Variants in MYO5B observed in about 807,000 individuals in gnomAD.
The protein encoded by MYO5B is myosin VB.
A neutral mutation model predicts 229.3 loss-of-function variants in MYO5B; 143 were observed. The observed-to-expected ratio is 0.62, with a 90% CI of 0.54 to 0.72. The LOEUF (loss-of-function observed/expected upper bound fraction) is 0.72. Among genes scored for constraint, MYO5B ranks in the 30% least tolerant of loss-of-function variants. MYO5B has a pLI of 0.00. For missense variants in MYO5B, 2,321 were observed against 2,331.0 expected (o/e 1.00, Z 0.09); for synonymous variants, 918 against 885.2 (o/e 1.04, Z -0.66).
intron 24 of MYO5B, among the ~76,000 whole-genome samples, 154 bp from the exon 25 acceptor site, chr18:49,878,036 C>T (rs530014886): frequency 1.3e-5 from 2 of 152,284 alleles, no homozygotes; most frequent in Admixed American, 1.3e-4. Context: ...ATAAAGCTAG[C>T]CCTATGAAAC....
At chr18:49,933,268 C>T (rs759972458) in intron 16 of MYO5B, among the ~76,000 whole-genome samples, 6 of 152,282 alleles carry the variant, frequency 3.9e-5, no homozygotes, top group South Asian at 4.2e-4. Flanking sequence ...TTATGACAAC[C>T]GCCCCAGGCC....
intron 17 of MYO5B, among the ~76,000 whole-genome samples, chr18:49,920,141 T>C (rs1286062292): frequency 6.6e-6 from 1 of 152,204 alleles, no homozygotes; most frequent in African/African-American, 2.4e-5. Context: ...AGGTTAGCGC[T>C]TGCCAGGGGC....
chr18:50,058,033 CAGA>C (rs1232129458), intron 1 of MYO5B, among the ~76,000 whole-genome samples: 2 of 152,218 alleles, frequency 1.3e-5, no homozygotes, highest in Non-Finnish European at 1.5e-5. Flanking sequence ...GAAAAAAGCT[CAGA>C]AGAAGGATAT....
chr18:50,101,545 C>T (rs1259756080), intron 1 of MYO5B, among the ~76,000 whole-genome samples: 1 of 151,246 alleles, frequency 6.6e-6, no homozygotes, highest in Non-Finnish European at 1.5e-5. Context: ...CTTAAATTTA[C>T]AAGAAAAAAA....
At chr18:50,162,448 T>C (rs1450736522) in intron 1 of MYO5B, among the ~76,000 whole-genome samples, 1 of 152,242 alleles carries the variant, frequency 6.6e-6, no homozygotes, top group Non-Finnish European at 1.5e-5. Flanking sequence ...AGGACTGTGC[T>C]GATCTACCAG....
rs77572201 is a variant in MYO5B, at chr18:50,017,799, T to C, written c.456-16388A>G. On this transcript the variant is annotated intron_variant, in intron 4 of 39. Transcript: ENST00000285039. ...TGTTCAGAAATCATTCCAATCACTATTCCCTAAATAAGCTGTGATACCATG... is the reference window on the plus strand; with the variant it reads ...TGTTCAGAAATCATTCCAATCACTACTCCCTAAATAAGCTGTGATACCATG... Among the ~76,000 whole-genome samples, 6 of 152,346 alleles carry C rather than the reference T, an allele frequency of 3.9e-5. No individual in the cohort carries two copies. The East Asian group carries it at 1.2e-3, about 29-fold the overall frequency.
At chr18:49,880,547 A>G in intron 22 of MYO5B, 92 bp from the exon 23 acceptor site, 1 of 953,310 alleles carries the variant, frequency 1.0e-6, no homozygotes, top group East Asian at 2.4e-5. Context: ...GGATACATGT[A>G]AATGCTCTTT....
intron 1 of MYO5B, among the ~76,000 whole-genome samples, chr18:50,171,723 G>A (rs1300898446): frequency 7.8e-6 from 1 of 127,674 alleles, no homozygotes; most frequent in African/African-American, 3.0e-5. Context: ...ATAGAGGAGG[G>A]GTTTTGTCAA....
At chr18:50,134,416 G>A (rs1209384982) in intron 1 of MYO5B, among the ~76,000 whole-genome samples, 2 of 151,992 alleles carry the variant, frequency 1.3e-5, no homozygotes, top group African/African-American at 4.8e-5. Context: ...TTAGCCAGGT[G>A]TGGTGGCAGG....
intron 18 of MYO5B, 42 bp downstream of exon 18, chr18:49,912,020 G>C (rs745584425): frequency 6.0e-6 from 9 of 1,492,612 alleles, no homozygotes; most frequent in African/African-American, 1.4e-5. Flanking sequence ...ATCTTTAGGG[G>C]ACCTGGTCAG....
intron 1 of MYO5B, among the ~76,000 whole-genome samples, chr18:50,163,267 T>C (rs1267040192): frequency 6.6e-6 from 1 of 152,160 alleles, no homozygotes; most frequent in African/African-American, 2.4e-5. Flanking sequence ...GCACACGAAT[T>C]AATCCACCCT....
chr18:49,903,025 T>A (rs954041412), intron 20 of MYO5B, among the ~76,000 whole-genome samples, 192 bp from the exon 21 acceptor site: 2 of 152,246 alleles, frequency 1.3e-5, no homozygotes, highest in Non-Finnish European at 2.9e-5. Context: ...GTTCTGCGCC[T>A]ACATATCCAC....
rs74965924 is a variant in MYO5B, at chr18:50,119,349, G to A, written c.28-63971C>T. Among the ~76,000 whole-genome samples the A allele has an allele frequency of 7.8e-3, 1,194 of 152,252 alleles. 16 individuals are homozygous for A. The highest frequency in any genetic ancestry group is 0.027 in the African/African-American group (1,132 of 41,512). On this transcript the variant is annotated intron_variant, in intron 1 of 39. Transcript: ENST00000285039. The stretch of plus-strand genomic sequence containing the variant: ...TCACATCCTTCAGCTTCCTATTCTT[G>A]TAATCCTCAACAAATTCTGTTTTCT...
chr18:49,932,717 G>C (rs1028268800), intron 16 of MYO5B, among the ~76,000 whole-genome samples: 3 of 152,068 alleles, frequency 2.0e-5, no homozygotes, highest in Non-Finnish European at 4.4e-5. Flanking sequence ...TTTAGAAAAA[G>C]CTAAGAGACA....
At position 49,962,247 on chromosome 18, in the gene MYO5B, T is replaced by C; in HGVS notation, c.1545+19A>G. The C allele has an allele frequency of 1.2e-6, 2 of 1,614,156 alleles. No individual in the cohort carries two copies. The highest frequency in any genetic ancestry group is 1.7e-6 in the Non-Finnish European group (2 of 1,179,988). On this transcript the variant is annotated intron_variant, in intron 12 of 39. Transcript: ENST00000285039. ...CATCCCTACCCTAGAATTGAACTAA[T>C]TTGCATCATCAGTTTTACCTTACAT...
At chr18:50,192,768 A>C (rs1352161876) in intron 1 of MYO5B, among the ~76,000 whole-genome samples, 1 of 152,220 alleles carries the variant, frequency 6.6e-6, no homozygotes, top group African/African-American at 2.4e-5. Flanking sequence ...AATAATGTAA[A>C]AGAGACTGCA....
chr18:50,014,732 G>A (rs1446084863), intron 4 of MYO5B, among the ~76,000 whole-genome samples: 1 of 152,204 alleles, frequency 6.6e-6, no homozygotes, highest in Non-Finnish European at 1.5e-5. Context: ...TGGGAAGGAT[G>A]TCTGTTCTAC....
At chr18:49,994,110 G>C (rs1018372722) in intron 5 of MYO5B, among the ~76,000 whole-genome samples, 2 of 151,988 alleles carry the variant, frequency 1.3e-5, no homozygotes, top group African/African-American at 4.8e-5. Flanking sequence ...CATCGATGTC[G>C]CTTCTTCAGG....
At chr18:50,122,685 G>GAGAC (rs2032088007) in intron 1 of MYO5B, among the ~76,000 whole-genome samples, 1 of 94,958 alleles carries the variant, frequency 1.1e-5, no homozygotes, top group African/African-American at 3.9e-5. Context: ...GAGAGAGAGA[G>GAGAC]ACTGACTGCA....
Sources: allele counts gnomAD v4.1 joint callset (sites outside exome capture counted in the v4.1 genomes callset), GRCh38; gene constraint gnomAD v4.1.1; transcripts MANE v1.5; gene names NCBI Gene and HGNC (gene_info 2026-07-23, HGNC 2026-07-21).